MIPEP: variants seen among roughly 807,000 people sequenced by gnomAD.
MIPEP encodes the protein mitochondrial intermediate peptidase.
MIPEP carries 79 observed loss-of-function variants against 90.3 expected under a neutral mutation model. The ratio of observed to expected loss-of-function variants is 0.87; its 90% confidence interval spans 0.73 to 1.05. The LOEUF (loss-of-function observed/expected upper bound fraction) is 1.05, where lower values mean the gene tolerates loss of function less well. Ranked by LOEUF, MIPEP falls within the 50% of genes least tolerant of loss-of-function variation. The probability of loss-of-function intolerance (pLI) is 0.00; values close to 1 mark genes in which losing one functional copy is unlikely to be tolerated. For synonymous variants in MIPEP, 334 were observed against 315.8 expected, an observed-to-expected ratio of 1.06 and a Z score of -0.61; for missense variants, 940 against 905.6, an observed-to-expected ratio of 1.04 and a Z score of -0.49.
chr13:23,869,668 T>C (rs1260708221), intron 6 of MIPEP, among the ~76,000 whole-genome samples: 2 of 152,114 alleles, frequency 1.3e-5, no homozygotes, highest in East Asian at 1.9e-4. Context: ...TGAGGTACGG[T>C]GGGGCAAACC....
chr13:23,760,336 C>A (rs1952528689), intron 16 of MIPEP, 119 bp from the exon 17 acceptor site: 2 of 1,295,254 alleles, frequency 1.5e-6, no homozygotes, highest in Non-Finnish European at 2.2e-6. Context: ...TTGCATTTTA[C>A]CCTAGAAGGC....
At chr13:23,874,496 G>T (rs1159669967) in intron 5 of MIPEP, among the ~76,000 whole-genome samples, 1 of 152,170 alleles carries the variant, frequency 6.6e-6, no homozygotes, top group South Asian at 2.1e-4. Context: ...ACTTATGTAA[G>T]GTCTTATGTG....
chr13:23,841,508 T>C lies in MIPEP; in HGVS notation c.1107-20A>G. ...TTATACCTAAGAGAAGGAAGAGAGG[T>C]TCAACAGCATCTTTGTTTATTTCAA... On this transcript the variant is annotated intron_variant, in intron 10 of 18. Transcript: ENST00000382172. 2 of 1,574,088 alleles carry C rather than the reference T, an allele frequency of 1.3e-6. No individual in the cohort carries two copies. The highest frequency in any genetic ancestry group is 1.7e-6 in the Non-Finnish European group (2 of 1,164,682).
chr13:23,852,753 G>A (rs1233130985), intron 10 of MIPEP, among the ~76,000 whole-genome samples: 2 of 152,150 alleles, frequency 1.3e-5, no homozygotes, highest in Non-Finnish European at 2.9e-5. Flanking sequence ...ACAGCCTCAG[G>A]CCGGTCCTTC....
intron 14 of MIPEP, among the ~76,000 whole-genome samples, chr13:23,830,663 T>G (rs1040264187): frequency 6.6e-6 from 1 of 152,232 alleles, no homozygotes; most frequent in East Asian, 1.9e-4. Flanking sequence ...CCACTATTCC[T>G]AGTAATATTG....
intron 15 of MIPEP, among the ~76,000 whole-genome samples, chr13:23,806,604 G>C (rs933898843): frequency 6.6e-6 from 1 of 152,028 alleles, no homozygotes; most frequent in African/African-American, 2.4e-5. Flanking sequence ...CGTGAACCTG[G>C]GAGGCGGAGC....
rs5802250 is a variant in MIPEP at position 23,751,924 on chromosome 13, TA to T, written c.2044+4620del. Among the ~76,000 whole-genome samples, 779 of 146,832 alleles carry T rather than the reference TA, an allele frequency of 5.3e-3. 5 individuals are homozygous for T. Among genetic ancestry groups the T allele is most frequent in the African/African-American group, 0.018 (710 of 39,838 alleles). On this transcript the variant is annotated intron_variant, in intron 18 of 18. Transcript: ENST00000382172. ...AATGAGAATAGATAGGTTGCGACATTAAAAAAAAAAAAACTTGGAGATCGTT... is the reference window on the plus strand; with the variant it reads ...AATGAGAATAGATAGGTTGCGACATTAAAAAAAAAAAACTTGGAGATCGTT...
chr13:23,805,669 A>G (rs1478746813), intron 16 of MIPEP, among the ~76,000 whole-genome samples: 2 of 152,222 alleles, frequency 1.3e-5, no homozygotes, highest in African/African-American at 4.8e-5. Flanking sequence ...CATTGTAGAA[A>G]AATAACTAAA....
At chr13:23,879,543 GGA>G (rs1355907739) in intron 3 of MIPEP, among the ~76,000 whole-genome samples, 189 bp from the exon 4 acceptor site, 1 of 150,658 alleles carries the variant, frequency 6.6e-6, no homozygotes, top group Non-Finnish European at 1.5e-5. Context: ...CCCTTATTTT[GGA>G]GACAGGGTCT....
intron 14 of MIPEP, among the ~76,000 whole-genome samples, chr13:23,834,485 C>T (rs988785935): frequency 2.0e-5 from 3 of 152,190 alleles, no homozygotes; most frequent in Admixed American, 1.3e-4. Context: ...TTAAAGACCG[C>T]GGGCAATGGG....
intron 18 of MIPEP, among the ~76,000 whole-genome samples, chr13:23,738,476 G>T (rs1952288926): frequency 6.7e-6 from 1 of 150,026 alleles, no homozygotes; most frequent in East Asian, 1.9e-4. Context: ...TTGAGACAGG[G>T]TGTCACTCTG....
chr13:23,844,920 T>C (rs543349718), intron 10 of MIPEP, among the ~76,000 whole-genome samples: 1 of 152,278 alleles, frequency 6.6e-6, no homozygotes, highest in Non-Finnish European at 1.5e-5. Context: ...ACTGCCTGTT[T>C]TAAAATAAAA....
chr13:23,776,142 C>A (rs1952713653), intron 16 of MIPEP, among the ~76,000 whole-genome samples: 1 of 152,064 alleles, frequency 6.6e-6, no homozygotes, highest in Non-Finnish European at 1.5e-5. Context: ...CAGCTTATAT[C>A]TGCTCATGTC....
At chr13:23,821,417 CA>C (rs1237926357) in intron 14 of MIPEP, among the ~76,000 whole-genome samples, 1 of 151,994 alleles carries the variant, frequency 6.6e-6, no homozygotes, top group Non-Finnish European at 1.5e-5. Flanking sequence ...AGAATCCCAC[CA>C]AGTCCAAATG....
intron 14 of MIPEP, among the ~76,000 whole-genome samples, chr13:23,832,379 G>C (rs1868809057): frequency 6.6e-6 from 1 of 151,978 alleles, no homozygotes; most frequent in Admixed American, 6.5e-5. Flanking sequence ...CTTTTCTTTA[G>C]AAATTATCCA....
At chr13:23,882,238 C>A (rs563507798) in intron 2 of MIPEP, among the ~76,000 whole-genome samples, 2 of 152,022 alleles carry the variant, frequency 1.3e-5, no homozygotes, top group Non-Finnish European at 2.9e-5. Context: ...CCCTCTAATT[C>A]TTTATTTCAA....
At chr13:23,745,820 G>A (rs892874742) in intron 18 of MIPEP, among the ~76,000 whole-genome samples, 1 of 151,704 alleles carries the variant, frequency 6.6e-6, no homozygotes, top group Non-Finnish European at 1.5e-5. Context: ...CCCAGCTACA[G>A]TCAGGAGGCT....
chr13:23,838,698 C>T (rs572300666), intron 12 of MIPEP, among the ~76,000 whole-genome samples: 1 of 152,268 alleles, frequency 6.6e-6, no homozygotes, highest in African/African-American at 2.4e-5. Flanking sequence ...TGGATCTGAA[C>T]CCAGGCTGAC....
chr13:23,807,044 T>C (rs1201159800), intron 15 of MIPEP, among the ~76,000 whole-genome samples: 1 of 151,830 alleles, frequency 6.6e-6, no homozygotes, highest in African/African-American at 2.4e-5. Context: ...TGTCAGGAAG[T>C]ACAAAGGAAG....
Sources: allele counts gnomAD v4.1 joint callset (sites outside exome capture counted in the v4.1 genomes callset), GRCh38; gene constraint gnomAD v4.1.1; transcripts MANE v1.5; gene names NCBI Gene and HGNC (gene_info 2026-07-23, HGNC 2026-07-21).